FHIT: variants seen among roughly 807,000 people sequenced by gnomAD.
FHIT encodes the protein fragile histidine triad diadenosine triphosphatase.
Under a neutral mutation model 17.9 loss-of-function variants are expected in FHIT, and 19 were observed. The observed-to-expected ratio is 1.06, with a 90% CI of 0.74 to 1.56. FHIT has a LOEUF of 1.56. Among genes scored for constraint, FHIT ranks in the 40% most tolerant of loss-of-function variants. The pLI is 0.00. For synonymous variants in FHIT, 81 were observed against 69.7 expected (o/e 1.16, Z -0.81); for missense variants, 248 against 189.2 (o/e 1.31, Z -1.82).
rs116386342 is a variant in FHIT at position 60,296,393 on chromosome 3, C to T, written c.103+240467G>A. 8.7e-3 allele frequency among the ~76,000 whole-genome samples: 1,317 copies of T among 152,162 alleles called. 21 individuals carry two copies. The highest frequency in any genetic ancestry group is 0.029 in the African/African-American group (1,225 of 41,548). ...TCATAGATGTGCAGCGATATCTCAA[C>T]GTGGTTTTATTTAGCATTTTCCTTA... On this transcript the variant is annotated intron_variant, in intron 5 of 9. Coordinates refer to ENST00000492590, the MANE Select transcript of FHIT (RefSeq NM_002012.4).
chr3:60,939,541 A>G (rs1278404856), intron 3 of FHIT, among the ~76,000 whole-genome samples: 1 of 152,164 alleles, frequency 6.6e-6, no homozygotes, highest in African/African-American at 2.4e-5. Context: ...CGTGACTACA[A>G]GCAGATCTGC....
At chr3:60,869,953 G>C (rs1704335898) in intron 3 of FHIT, among the ~76,000 whole-genome samples, 1 of 152,104 alleles carries the variant, frequency 6.6e-6, no homozygotes, top group African/African-American at 2.4e-5. Flanking sequence ...TGTGGATTCT[G>C]ACAAAAGAAC....
intron 5 of FHIT, among the ~76,000 whole-genome samples, chr3:60,431,127 C>T (rs1228411536): frequency 2.0e-5 from 3 of 151,744 alleles, no homozygotes; most frequent in Non-Finnish European, 4.4e-5. Context: ...AGAAGAATAG[C>T]TTGAACTCTG....
At chr3:60,151,793 C>T (rs181258960) in intron 5 of FHIT, among the ~76,000 whole-genome samples, 13 of 152,284 alleles carry the variant, frequency 8.5e-5, no homozygotes, top group Non-Finnish European at 1.9e-4. Flanking sequence ...CTGCACCAAT[C>T]TCATATCTTC....
chr3:60,224,291 T>C (rs573748378), intron 5 of FHIT, among the ~76,000 whole-genome samples: 66 of 152,246 alleles, frequency 4.3e-4, no homozygotes, highest in African/African-American at 1.5e-3. Flanking sequence ...ACTATCCCTC[T>C]TGTGAAAACT....
rs565723134 is a variant in FHIT at position 60,053,881 on chromosome 3, A to G, written c.104-39729T>C. On this transcript the variant is annotated intron_variant, in intron 5 of 9. Coordinates refer to ENST00000492590, the MANE Select transcript of FHIT (RefSeq NM_002012.4). ...TTCAATAGAGAAACAACATTTTCTT[A>G]AAAATATACAGACAGACATATGCGA... Among the ~76,000 whole-genome samples the G allele has an allele frequency of 3.2e-4, 48 of 152,336 alleles. 1 individual carries two copies. Among genetic ancestry groups the G allele is most frequent in the African/African-American group, 1.1e-3 (45 of 41,578 alleles).
rs1187031107 is a variant in FHIT at position 59,803,627 on chromosome 3, G to A, written c.349-51306C>T. Among the ~76,000 whole-genome samples the A allele has an allele frequency of 3.3e-5, 5 of 152,312 alleles. No individual in the cohort carries two copies. The East Asian group carries it at 9.7e-4, about 29-fold the overall frequency. On this transcript the variant is annotated intron_variant, in intron 8 of 9. Coordinates refer to ENST00000492590, the MANE Select transcript of FHIT (RefSeq NM_002012.4). Reference sequence around the variant, plus strand: ...GCTCCTCACTTAGCAAAGTCATCAGGAGATTCTGCTAAGTAAAGAAGTTCT... The same window carrying A: ...GCTCCTCACTTAGCAAAGTCATCAGAAGATTCTGCTAAGTAAAGAAGTTCT...
chr3:59,828,322 G>A (rs10428174), intron 8 of FHIT, among the ~76,000 whole-genome samples: 110,614 of 152,108 alleles, frequency 0.73, 41,171 homozygotes, highest in East Asian at 0.97. Flanking sequence ...CCCTTGGCAT[G>A]TACCTACTAA....
intron 2 of FHIT, among the ~76,000 whole-genome samples, chr3:61,191,209 G>A (rs982698702): frequency 1.2e-4 from 19 of 152,170 alleles, no homozygotes; most frequent in African/African-American, 4.6e-4. Context: ...ATTTCTGGAT[G>A]TGTCTGTGAG....
At chr3:60,147,828 C>A (rs538380581) in intron 5 of FHIT, among the ~76,000 whole-genome samples, 1 of 152,094 alleles carries the variant, frequency 6.6e-6, no homozygotes, top group Non-Finnish European at 1.5e-5. Context: ...AGTTGTCGAA[C>A]GACCTCGGGG....
At chr3:60,298,733 T>C (rs552890732) in intron 5 of FHIT, among the ~76,000 whole-genome samples, 2 of 152,314 alleles carry the variant, frequency 1.3e-5, no homozygotes, top group Admixed American at 6.5e-5. Context: ...TCATTTTTCT[T>C]TCTTAGCCTG....
chr3:60,561,948 C>CAG (rs59030549), intron 4 of FHIT, among the ~76,000 whole-genome samples: 5 of 150,958 alleles, frequency 3.3e-5, no homozygotes, highest in South Asian at 2.1e-4. Flanking sequence ...AAGAGAGAAA[C>CAG]AGAGAGAGAG....
intron 4 of FHIT, among the ~76,000 whole-genome samples, chr3:60,646,951 G>A (rs2039874340): frequency 6.6e-6 from 1 of 152,190 alleles, no homozygotes; most frequent in Non-Finnish European, 1.5e-5. Context: ...CAATCACAGT[G>A]CTCTAGTTTA....
intron 5 of FHIT, among the ~76,000 whole-genome samples, chr3:60,431,915 C>T (rs977010099): frequency 1.3e-5 from 2 of 152,048 alleles, no homozygotes; most frequent in Admixed American, 1.3e-4. Context: ...TGCAAATACA[C>T]TATTCCTCTG....
chr3:60,957,516 C>T (rs1038364729), intron 3 of FHIT, among the ~76,000 whole-genome samples: 5 of 151,542 alleles, frequency 3.3e-5, no homozygotes, highest in Non-Finnish European at 7.4e-5. Context: ...GGATTACAGG[C>T]GTGAGCCATG....
intron 4 of FHIT, among the ~76,000 whole-genome samples, chr3:60,754,533 A>C (rs1172608448): frequency 6.6e-6 from 1 of 152,166 alleles, no homozygotes; most frequent in Non-Finnish European, 1.5e-5. Context: ...TGGGAGGCTG[A>C]AGCAGGAGAA....
intron 4 of FHIT, among the ~76,000 whole-genome samples, chr3:60,639,108 G>T (rs2039662883): frequency 6.7e-6 from 1 of 149,018 alleles, no homozygotes; most frequent in African/African-American, 2.5e-5. Flanking sequence ...ACTGAGGTGA[G>T]CTCTATAGTT....
At chr3:60,864,727 A>G (rs2107024095) in intron 3 of FHIT, among the ~76,000 whole-genome samples, 1 of 152,316 alleles carries the variant, frequency 6.6e-6, no homozygotes, top group South Asian at 2.1e-4. Flanking sequence ...ACGGTAAATC[A>G]TCTTCAGCAA....
At chr3:61,203,418 A>C (rs749192601) in intron 1 of FHIT, among the ~76,000 whole-genome samples, 2 of 152,096 alleles carry the variant, frequency 1.3e-5, no homozygotes, top group Non-Finnish European at 2.9e-5. Context: ...AGAACAATAG[A>C]TAAATCAGAA....
Sources: allele counts gnomAD v4.1 joint callset (sites outside exome capture counted in the v4.1 genomes callset), GRCh38; gene constraint gnomAD v4.1.1; transcripts MANE v1.5; gene names NCBI Gene and HGNC (gene_info 2026-07-23, HGNC 2026-07-21).